ARHGAP20: variants seen among roughly 807,000 people sequenced by gnomAD.
ARHGAP20 encodes the protein rho GTPase-activating protein 20.
Under a neutral mutation model 73.7 loss-of-function variants are expected in ARHGAP20, and 34 were observed. That is an observed-to-expected ratio of 0.46 (90% CI 0.35 to 0.61). The LOEUF is 0.61. Ranked by LOEUF, ARHGAP20 falls within the 20% of genes least tolerant of loss-of-function variation. The pLI, the probability that ARHGAP20 is intolerant of heterozygous loss-of-function variation, is 0.00. For missense variants in ARHGAP20, 1,314 were observed against 1,420.9 expected (o/e 0.92, Z 1.21); for synonymous variants, 523 against 518.2 (o/e 1.01, Z -0.13).
intron 9 of ARHGAP20, among the ~76,000 whole-genome samples, chr11:110,604,307 A>C (rs1948173796): frequency 6.6e-6 from 1 of 152,174 alleles, no homozygotes. Flanking sequence ...CCTTGGCATC[A>C]CTGGTCTATA....
At chr11:110,688,544 T>C (rs1281911394) in intron 2 of ARHGAP20, among the ~76,000 whole-genome samples, 1 of 152,152 alleles carries the variant, frequency 6.6e-6, no homozygotes, top group Non-Finnish European at 1.5e-5. Context: ...TTTTTACATC[T>C]ATAGTAGAGA....
At chr11:110,617,921 T>C (rs990369145) in intron 4 of ARHGAP20, among the ~76,000 whole-genome samples, 4 of 152,158 alleles carry the variant, frequency 2.6e-5, no homozygotes, top group Admixed American at 6.5e-5. Flanking sequence ...TCTCAAATTA[T>C]GGAGGAGATA....
intron 4 of ARHGAP20, among the ~76,000 whole-genome samples, chr11:110,618,020 G>A (rs1004709225): frequency 1.3e-5 from 2 of 152,118 alleles, no homozygotes; most frequent in Non-Finnish European, 2.9e-5. Flanking sequence ...AGAGGAAATG[G>A]TTTTAAGGAG....
chr11:110,582,482 T>C (rs1947499772), intron 13 of ARHGAP20, 47 bp from the exon 14 acceptor site: 7 of 1,238,968 alleles, frequency 5.6e-6, no homozygotes, highest in Non-Finnish European at 8.2e-6. Context: ...TATTACATGT[T>C]TATAAATCAC....
At position 110,704,921 on chromosome 11, in the gene ARHGAP20, A is replaced by T. The variant is rs115110817; in HGVS notation, c.105+7206T>A. On this transcript the variant is annotated intron_variant, in intron 1 of 14. Coordinates refer to ENST00000683387, the MANE Select transcript of ARHGAP20 (RefSeq NM_001384657.1). Reference sequence around the variant, plus strand: ...GGTATGAGTAATAAAACTCCATTGAATCATAAAAATATATATTTCCTCAAA... The same window carrying T: ...GGTATGAGTAATAAAACTCCATTGATTCATAAAAATATATATTTCCTCAAA... Among the ~76,000 whole-genome samples, 127 of 152,296 alleles carry T rather than the reference A, an allele frequency of 8.3e-4. 1 individual carries two copies. The highest frequency in any genetic ancestry group is 3.1e-3 in the African/African-American group (127 of 41,572).
intron 1 of ARHGAP20, among the ~76,000 whole-genome samples, chr11:110,693,648 C>T (rs1171094457): frequency 2.0e-5 from 3 of 151,864 alleles, no homozygotes; most frequent in Admixed American, 2.0e-4. Context: ...CAAAGGGCCA[C>T]TAATAACTTC....
intron 2 of ARHGAP20, among the ~76,000 whole-genome samples, chr11:110,655,666 G>A (rs554342104): frequency 2.0e-5 from 3 of 152,296 alleles, no homozygotes; most frequent in African/African-American, 7.2e-5. Flanking sequence ...CAGGGTTAGT[G>A]ATCAAGGAAG....
At chr11:110,688,335 T>C (rs999890311) in intron 2 of ARHGAP20, among the ~76,000 whole-genome samples, 4 of 151,342 alleles carry the variant, frequency 2.6e-5, no homozygotes, top group African/African-American at 9.7e-5. Context: ...CCTGCATGTA[T>C]ACTTATTGCA....
chr11:110,605,365 G>C (rs905678127), intron 9 of ARHGAP20, among the ~76,000 whole-genome samples: 1 of 152,174 alleles, frequency 6.6e-6, no homozygotes, highest in South Asian at 2.1e-4. Flanking sequence ...GGGGCGAACA[G>C]GAAAATAAGT....
chr11:110,634,518 G>T (rs1948922708), intron 2 of ARHGAP20, among the ~76,000 whole-genome samples: 1 of 152,094 alleles, frequency 6.6e-6, no homozygotes. Context: ...GACAAACACT[G>T]CATTGACTCA....
chr11:110,582,502 A>G (rs766421598), intron 13 of ARHGAP20, 67 bp from the exon 14 acceptor site: 113 of 1,063,836 alleles, frequency 1.1e-4, no homozygotes, highest in Non-Finnish European at 7.4e-5. Context: ...CATTTCATAT[A>G]TAAATCCTGA....
intron 2 of ARHGAP20, among the ~76,000 whole-genome samples, chr11:110,639,833 T>C (rs1949044507): frequency 6.6e-6 from 1 of 152,086 alleles, no homozygotes; most frequent in Admixed American, 6.6e-5. Context: ...TATCCATTCA[T>C]TAACTGATGG....
intron 2 of ARHGAP20, among the ~76,000 whole-genome samples, chr11:110,653,866 C>A (rs1252260612): frequency 1.3e-5 from 2 of 152,104 alleles, no homozygotes; most frequent in African/African-American, 4.8e-5. Context: ...ACATATACAC[C>A]ATGGAATACC....
chr11:110,591,846 A>G (rs1947835834), intron 10 of ARHGAP20, 131 bp downstream of exon 10: 2 of 928,858 alleles, frequency 2.2e-6, no homozygotes. Flanking sequence ...ATTTGGAGGA[A>G]TAATAGTGAA....
At chr11:110,638,473 G>A (rs897316541) in intron 2 of ARHGAP20, among the ~76,000 whole-genome samples, 31 of 152,070 alleles carry the variant, frequency 2.0e-4, no homozygotes, top group Admixed American at 1.6e-3. Context: ...AGGAAGTTAC[G>A]GCAGTAGTCT....
chr11:110,693,104 T>C (rs143785883), intron 1 of ARHGAP20, among the ~76,000 whole-genome samples: 1 of 152,118 alleles, frequency 6.6e-6, no homozygotes, highest in Non-Finnish European at 1.5e-5. Flanking sequence ...GTGTTTTTCA[T>C]GGAAATCTAC....
intron 2 of ARHGAP20, among the ~76,000 whole-genome samples, chr11:110,642,468 C>A (rs891098533): frequency 6.6e-6 from 1 of 151,926 alleles, no homozygotes; most frequent in South Asian, 2.1e-4. Flanking sequence ...TCCTTTGATA[C>A]CGAGCTTGTT....
Sources: allele counts gnomAD v4.1 joint callset (sites outside exome capture counted in the v4.1 genomes callset), GRCh38; gene constraint gnomAD v4.1.1; transcripts MANE v1.5; gene names NCBI Gene and HGNC (gene_info 2026-07-23, HGNC 2026-07-21).